Variants in GPN3 observed in about 807,000 individuals in gnomAD.
GPN3 encodes ATP-binding domain 1 family member C.
A neutral mutation model predicts 38.7 loss-of-function variants in GPN3; 31 were observed. The ratio of observed to expected loss-of-function variants is 0.80; its 90% confidence interval spans 0.60 to 1.08. GPN3 has a LOEUF of 1.08. GPN3 is among the 50% of genes least tolerant of loss of function. GPN3 has a pLI of 0.00. For synonymous variants in GPN3, 116 were observed against 120.2 expected (o/e 0.96, Z 0.23); for missense variants, 301 against 354.4 (o/e 0.85, Z 1.21).
At chr12:110,454,821 CCTGG>C (rs1235904586) in intron 6 of GPN3, among the ~76,000 whole-genome samples, 2 of 151,492 alleles carry the variant, frequency 1.3e-5, no homozygotes, top group African/African-American at 2.4e-5. Context: ...CAGCACCATG[CCTGG>C]CTTTTTTTTT....
In GPN3 at chr12:110,455,869, T is replaced by G. The variant is rs761281927; in HGVS notation, c.512A>C (p.Asn171Thr). ...CAGCAGATCCATTTTTGTCATGATG[T>G]TGACTTGCGGAATTTCTAGAGAGAT... ...AMISLEIPQV[N>T]IMTKMDLLSK... Residue 171 changes from asparagine to threonine, a missense_variant, in exon 5 of 8, where the codon AAC (asparagine) becomes ACC (threonine). Coordinates refer to ENST00000228827, the MANE Select transcript of GPN3 (RefSeq NM_016301.4). 3.7e-5 allele frequency: 60 copies of G among 1,611,546 alleles called. No individual in the cohort carries two copies. The highest frequency in any genetic ancestry group is 4.2e-5 in the Non-Finnish European group (50 of 1,177,738).
At chr12:110,459,576 A>T in intron 3 of GPN3, 119 bp downstream of exon 3, 1 of 742,606 alleles carries the variant, frequency 1.3e-6, no homozygotes, top group Non-Finnish European at 2.3e-6. Context: ...GCCATTGAAT[A>T]AGCTTGGTAC....
intron 1 of GPN3, among the ~76,000 whole-genome samples, chr12:110,466,681 A>G (rs2062630443): frequency 6.6e-6 from 1 of 152,096 alleles, no homozygotes; most frequent in Admixed American, 6.6e-5. Flanking sequence ...TTTTTGGTAG[A>G]GACAGGGCTT....
rs902685678 is a variant in GPN3, at chr12:110,465,079, T to TGG, written c.157+25_157+26dup. On this transcript the variant is annotated intron_variant, in intron 2 of 7. Coordinates refer to ENST00000228827, the MANE Select transcript of GPN3 (RefSeq NM_016301.4). ...CCCCAGCCCTTACTGTTCCTGAAGG[T>TGG]GGGGGGAGCCTTTGCTCAGGACTTA... 12 of 1,173,182 alleles carry TGG rather than the reference T, an allele frequency of 1.0e-5. No homozygotes were observed. In the African/African-American group the frequency reaches 1.8e-4, roughly 18 times the overall value. 72.7% of individuals were successfully genotyped at this position (1,173,182 alleles called of 1,614,324 possible).
chr12:110,462,548 G>A (rs1045571062), intron 2 of GPN3, among the ~76,000 whole-genome samples: 1 of 152,136 alleles, frequency 6.6e-6, no homozygotes, highest in Non-Finnish European at 1.5e-5. Context: ...TAGTCCTGGT[G>A]TACACCTGGC....
chr12:110,465,262 G>T (rs1465275879), intron 1 of GPN3, 48 bp from the exon 2 acceptor site: 1 of 1,009,204 alleles, frequency 9.9e-7, no homozygotes, highest in Non-Finnish European at 1.6e-6. Flanking sequence ...GTAGTGTAGT[G>T]CTACCTTCCA....
At chr12:110,460,233 T>G (rs925049234) in intron 2 of GPN3, among the ~76,000 whole-genome samples, 1 of 152,216 alleles carries the variant, frequency 6.6e-6, no homozygotes, top group African/African-American at 2.4e-5. Context: ...ACATCTTGAA[T>G]TTTATGTGCA....
Position 110,458,554 on chromosome 12 carries a change from G to A in GPN3, c.326-920C>T, listed in dbSNP as rs1268214303. 6.6e-6 allele frequency among the ~76,000 whole-genome samples: 1 copy of A among 152,124 alleles called. No homozygotes were observed. Among genetic ancestry groups the A allele is most frequent in the African/African-American group, 2.4e-5 (1 of 41,428 alleles). ...CCCAGCATTTGGGAGGCCGAGGCAG[G>A]TGAATCACCTAAGGTCCAGAGTTTG... On this transcript the variant is annotated intron_variant, in intron 3 of 7. Transcript: ENST00000228827. This position sits in a 1 kb window ranked among gnomAD's most constrained non-coding sequence, Gnocchi z 4.4.
At position 110,466,519 on chromosome 12, in the gene GPN3, T is replaced by G. The variant is rs79098627; in HGVS notation, c.49-1305A>C. On this transcript the variant is annotated intron_variant, in intron 1 of 7. Transcript: ENST00000228827. ...TCACACACTGTATCTTTTTTTTTTTTGCAAAGGGTCTCACTGTCACCCAGG... is the reference window on the plus strand; with the variant it reads ...TCACACACTGTATCTTTTTTTTTTTGGCAAAGGGTCTCACTGTCACCCAGG... 1.5e-3 allele frequency among the ~76,000 whole-genome samples: 225 copies of G among 152,126 alleles called. 2 individuals are homozygous for G. The highest frequency in any genetic ancestry group is 4.8e-3 in the African/African-American group (200 of 41,532).
At chr12:110,457,006 T>C (rs1272374916) in intron 4 of GPN3, among the ~76,000 whole-genome samples, 1 of 152,082 alleles carries the variant, frequency 6.6e-6, no homozygotes, top group Non-Finnish European at 1.5e-5. Context: ...CAACCTCAGT[T>C]TTTTTCTTGG....
At chr12:110,465,548 C>T (rs2062621426) in intron 1 of GPN3, among the ~76,000 whole-genome samples, 1 of 152,168 alleles carries the variant, frequency 6.6e-6, no homozygotes, top group African/African-American at 2.4e-5. Flanking sequence ...ACACCTAACA[C>T]AGTGTCTCTA....
At chr12:110,468,689 A>C, upstream of GPN3, 1 of 1,528,530 alleles carries the variant, frequency 6.5e-7, no homozygotes. Flanking sequence ...CAAACGTGCA[A>C]ACGCTCAGCG....
At position 110,465,420 on chromosome 12, in the gene GPN3, C is replaced by T. The variant is rs114329899; in HGVS notation, c.49-206G>A. 6.1e-3 allele frequency among the ~76,000 whole-genome samples: 930 copies of T among 152,344 alleles called. 16 individuals carry two copies. Among genetic ancestry groups the T allele is most frequent in the African/African-American group, 0.021 (859 of 41,580 alleles). ...TACCTCTGGGGAATTTACTTCTCCA[C>T]TCTGCCCTTCAATTTTCGTGTCTCT... On this transcript the variant is annotated intron_variant, in intron 1 of 7. Coordinates refer to ENST00000228827, the MANE Select transcript of GPN3 (RefSeq NM_016301.4).
At chr12:110,455,486 A>G in intron 6 of GPN3, 100 bp downstream of exon 6, 2 of 676,292 alleles carry the variant, frequency 3.0e-6, no homozygotes, top group Non-Finnish European at 5.3e-6. Flanking sequence ...CTGGTCTTGA[A>G]CTCCTGGACT....
chr12:110,468,169 G>C lies in GPN3; in HGVS notation c.35C>G (p.Ala12Gly). 6.2e-7 allele frequency: 1 copy of C among 1,613,168 alleles called. No homozygotes were observed. Among genetic ancestry groups the C allele is most frequent in the Non-Finnish European group, 8.5e-7 (1 of 1,180,014 alleles). Residue 12 changes from alanine (A) to glycine (G), a missense_variant, in exon 1 of 8, where the codon GCG becomes GGG. Physicochemically the swap from Ala to Gly is moderately conservative, Grantham distance 60. Coordinates refer to ENST00000228827, the MANE Select transcript of GPN3 (RefSeq NM_016301.4). ...GCAGATCCTCACCTTCCCGCTGCCC[G>C]CGGGGCCCATGACCAGCTGCGCATA... Reference protein sequence around the residue: ...PRYAQLVMGPAGSGKSTYCAT... With the variant: ...PRYAQLVMGPGGSGKSTYCAT...
chr12:110,455,154 T>C (rs1369061463), intron 6 of GPN3, among the ~76,000 whole-genome samples: 2 of 151,542 alleles, frequency 1.3e-5, no homozygotes, highest in African/African-American at 4.8e-5. Flanking sequence ...GACAAAGTCT[T>C]ACTCTGTCGC....
intron 7 of GPN3, among the ~76,000 whole-genome samples, chr12:110,453,520 G>A (rs997116395): frequency 6.6e-6 from 1 of 152,130 alleles, no homozygotes; most frequent in Non-Finnish European, 1.5e-5. Flanking sequence ...CAAGCTCTAA[G>A]TACACACAGG....
chr12:110,462,825 C>T (rs928503391), intron 2 of GPN3, among the ~76,000 whole-genome samples: 3 of 152,056 alleles, frequency 2.0e-5, no homozygotes, highest in Non-Finnish European at 2.9e-5. Context: ...GGCGCGATCT[C>T]GGCTCACCGC....
chr12:110,454,202 T>C (rs2062533946), intron 6 of GPN3, among the ~76,000 whole-genome samples: 1 of 152,188 alleles, frequency 6.6e-6, no homozygotes, highest in African/African-American at 2.4e-5. Context: ...TGTTAGTTTA[T>C]TTATTGGCCA....
Sources: allele counts gnomAD v4.1 joint callset (sites outside exome capture counted in the v4.1 genomes callset), GRCh38; gene constraint gnomAD v4.1.1; non-coding constraint Gnocchi (gnomAD v3.1); transcripts MANE v1.5; gene names NCBI Gene and HGNC (gene_info 2026-07-23, HGNC 2026-07-21).